Variants in MROH2B observed in about 807,000 individuals in gnomAD.
The protein encoded by MROH2B is maestro heat like repeat family member 2B, also known as maestro heat-like repeat-containing protein family member 2B.
In MROH2B, 177 loss-of-function variants were observed where a neutral mutation model predicts 208.6. That is an observed-to-expected ratio of 0.85 (90% CI 0.75 to 0.96). The LOEUF is 0.96. MROH2B is among the 40% of genes least tolerant of loss of function. MROH2B has a pLI of 0.00. For synonymous variants in MROH2B, 728 were observed against 659.0 expected (o/e 1.10, Z -1.60); for missense variants, 2,002 against 1,878.7 (o/e 1.07, Z -1.21).
chr5:41,000,446 A>G (rs1199119428), intron 38 of MROH2B, 95 bp from the exon 39 acceptor site: 9 of 1,496,408 alleles, frequency 6.0e-6, no homozygotes, highest in Admixed American at 2.3e-5. Context: ...AGAAGCACTA[A>G]AAGTCAGTGG....
At position 41,040,656 on chromosome 5, in the gene MROH2B, C is replaced by T. The variant is rs140800564; in HGVS notation, c.1954-1101G>A. Reference sequence around the variant, plus strand: ...AAGGTATTTGAGAAGCTCAATTGGACGTCACAATTTTTATTTTTTTTATTT... The same window carrying T: ...AAGGTATTTGAGAAGCTCAATTGGATGTCACAATTTTTATTTTTTTTATTT... On this transcript the variant is annotated intron_variant, in intron 19 of 41. Coordinates refer to ENST00000399564, the MANE Select transcript of MROH2B (RefSeq NM_173489.5). Among the ~76,000 whole-genome samples, 471 of 152,088 alleles carry T rather than the reference C, an allele frequency of 3.1e-3. 3 individuals are homozygous for T. The highest frequency in any genetic ancestry group is 0.011 in the African/African-American group (447 of 41,494).
At chr5:41,014,960 T>C (rs1157634880) in intron 29 of MROH2B, among the ~76,000 whole-genome samples, 1 of 152,254 alleles carries the variant, frequency 6.6e-6, no homozygotes, top group Non-Finnish European at 1.5e-5. Flanking sequence ...ATATGGTAGG[T>C]GCTCAGGAGA....
chr5:41,054,467 A>G (rs907132892), intron 11 of MROH2B, among the ~76,000 whole-genome samples: 3 of 152,228 alleles, frequency 2.0e-5, no homozygotes, highest in Non-Finnish European at 2.9e-5. Context: ...GTGCATTGGC[A>G]TAGTGAGATA....
intron 24 of MROH2B, among the ~76,000 whole-genome samples, chr5:41,026,652 C>T (rs1020688137): frequency 2.4e-4 from 36 of 152,164 alleles, no homozygotes; most frequent in Non-Finnish European, 7.3e-5. Flanking sequence ...TGTCAAGCTA[C>T]CCATGACTTT....
chr5:41,010,796 T>C (rs971731276), intron 30 of MROH2B, among the ~76,000 whole-genome samples: 11 of 152,176 alleles, frequency 7.2e-5, no homozygotes, highest in African/African-American at 2.7e-4. Context: ...GATAGCGATG[T>C]GTCAATGTAG....
chr5:41,014,379 T>A (rs539705898), intron 29 of MROH2B, among the ~76,000 whole-genome samples: 59 of 152,140 alleles, frequency 3.9e-4, no homozygotes, highest in African/African-American at 1.3e-3. Flanking sequence ...TAGGTGGGAA[T>A]TGAACAATGA....
Position 41,008,746 on chromosome 5 carries a change from G to T in MROH2B, c.3468C>A (p.Thr1156=), listed in dbSNP as rs185546559. The T allele has an allele frequency of 1.9e-6, 3 of 1,613,528 alleles. No homozygotes were observed. The highest frequency in any genetic ancestry group is 2.2e-5 in the East Asian group (1 of 44,884). ...GAGTGAACAGCTCTGGATACAAGCC[G>T]GTGACAGAGGTGCCCATTGAGATCA... ...YEVISMGTSV[T]GLYPELFTLL... Residue 1156 remains threonine, a synonymous_variant, in exon 33 of 42, where the codon ACC becomes ACA. Coordinates refer to ENST00000399564, the MANE Select transcript of MROH2B (RefSeq NM_173489.5).
chr5:41,070,121 G>A (rs139359856), intron 1 of MROH2B, among the ~76,000 whole-genome samples: 5 of 152,086 alleles, frequency 3.3e-5, no homozygotes, highest in Non-Finnish European at 7.3e-5. Flanking sequence ...GAAGGCAGGG[G>A]TGCAACATAG....
At chr5:41,015,921 T>A (rs1741933905) in intron 28 of MROH2B, among the ~76,000 whole-genome samples, 1 of 152,250 alleles carries the variant, frequency 6.6e-6, no homozygotes, top group Non-Finnish European at 1.5e-5. Context: ...GTAACTACTG[T>A]AATGAGAAGT....
At chr5:40,998,940 G>C (rs558695599) in intron 40 of MROH2B, among the ~76,000 whole-genome samples, 1 of 152,098 alleles carries the variant, frequency 6.6e-6, no homozygotes, top group East Asian at 1.9e-4. Context: ...AGTTGTTGTT[G>C]GGATTTCAAA....
rs1579909733 is a variant in MROH2B at position 41,012,693 on chromosome 5, G to A, written c.3025C>T (p.Leu1009=). The A allele has an allele frequency of 6.2e-7, 1 of 1,613,786 alleles. No individual in the cohort carries two copies. Among genetic ancestry groups the A allele is most frequent in the East Asian group, 2.2e-5 (1 of 44,878 alleles). ...TCCAGACCGTCCAGCATTTCCTCTA[G>A]GAACATCAGAATTTCTTCATTTGGG... ...FIPNEEILMF[L]EEMLDGLESL... is the part of the protein sequence containing the mutation. The change falls in exon 30 of 42, where the codon CTA becomes TTA. Residue 1009 remains leucine, a synonymous_variant. Coordinates refer to ENST00000399564, the MANE Select transcript of MROH2B (RefSeq NM_173489.5).
intron 18 of MROH2B, among the ~76,000 whole-genome samples, chr5:41,044,733 A>G (rs1199174960): frequency 1.3e-5 from 2 of 152,242 alleles, no homozygotes; most frequent in African/African-American, 4.8e-5. Flanking sequence ...TGAAAATTAC[A>G]TATGTGAGTT....
At chr5:40,999,983 T>C (rs921856717) in intron 39 of MROH2B, 2 of 683,120 alleles carry the variant, frequency 2.9e-6, no homozygotes, top group South Asian at 4.0e-5. Flanking sequence ...AATCAACAGA[T>C]ATGAATTTTA....
chr5:41,029,275 G>A (rs1742484217), intron 24 of MROH2B, among the ~76,000 whole-genome samples: 1 of 152,030 alleles, frequency 6.6e-6, no homozygotes, highest in South Asian at 2.1e-4. Context: ...ATCTTCTTTT[G>A]AGAAATGTCT....
chr5:41,052,482 T>C lies in MROH2B; in HGVS notation c.1213A>G (p.Thr405Ala), dbSNP rs748910666. 1.9e-6 allele frequency: 3 copies of C among 1,612,774 alleles called. No homozygotes were observed. Among genetic ancestry groups the C allele is most frequent in the East Asian group, 2.2e-5 (1 of 44,786 alleles). The change falls in exon 12 of 42, where the codon ACG becomes GCG. Residue 405 changes from threonine (T) to alanine (A), a missense_variant. Thr to Ala is a moderately conservative substitution (Grantham distance 58). Transcript: ENST00000399564. Reference sequence around the variant, plus strand: ...CTGCATACCAGATTCCTGTTCAACGTTGCAAACTGGGAGAAGACATAATCA... The same window carrying C: ...CTGCATACCAGATTCCTGTTCAACGCTGCAAACTGGGAGAAGACATAATCA... The part of the protein sequence containing the change: ...LIDYVFSQFA[T>A]LNRNLEKPVK...
Position 41,058,639 on chromosome 5 carries a change from G to GATTTT in MROH2B, c.616-441_616-437dup, listed in dbSNP as rs1302540990. The stretch of plus-strand genomic sequence containing the variant: ...TGCCTGGCTAATTTTTGTAATACTA[G>GATTTT]ATTTTATTTTATTTTATTGTATTTT... On this transcript the variant is annotated intron_variant, in intron 6 of 41. Transcript: ENST00000399564. Among the ~76,000 whole-genome samples the GATTTT allele has an allele frequency of 6.6e-5, 10 of 152,100 alleles. No individual in the cohort carries two copies. In the South Asian group the frequency reaches 1.5e-3, roughly 22 times the overall value.
Position 41,017,868 on chromosome 5 carries a change from C to T in MROH2B, c.2866G>A (p.Gly956Ser), listed in dbSNP as rs1165140463. ...CCCTCACCTTTTATATAGAACAGACCAATAGTTGAGCTAGCAGCCGCCTGA... is the reference window on the plus strand; with the variant it reads ...CCCTCACCTTTTATATAGAACAGACTAATAGTTGAGCTAGCAGCCGCCTGA... ...IRQAAASSTIGLFYIKGIHLE... is the reference protein window; with the variant it reads ...IRQAAASSTISLFYIKGIHLE... Residue 956 changes from glycine to serine, a missense_variant, in exon 28 of 42, where the codon GGT becomes AGT. Transcript: ENST00000399564. 1.6e-5 allele frequency: 25 copies of T among 1,595,020 alleles called. No homozygotes were observed. Among genetic ancestry groups the T allele is most frequent in the Non-Finnish European group, 2.1e-5 (25 of 1,170,550 alleles).
At chr5:41,033,224 T>C (rs1742636771) in intron 22 of MROH2B, 64 bp from the exon 23 acceptor site, 2 of 1,582,654 alleles carry the variant, frequency 1.3e-6, no homozygotes, top group Admixed American at 1.8e-5. Flanking sequence ...TCTATTAACA[T>C]GTGACCTAGC....
intron 1 of MROH2B, 67 bp downstream of exon 1, chr5:41,070,758 A>G: frequency 6.5e-7 from 1 of 1,540,740 alleles, no homozygotes; most frequent in East Asian, 2.3e-5. Context: ...CCTCATATAT[A>G]CTTATAATTC....
Sources: allele counts gnomAD v4.1 joint callset (sites outside exome capture counted in the v4.1 genomes callset), GRCh38; gene constraint gnomAD v4.1.1; transcripts MANE v1.5; gene names NCBI Gene and HGNC (gene_info 2026-07-23, HGNC 2026-07-21).